The following ZNF736 variants were observed in gnomAD, a reference collection of about 807,000 sequenced individuals.
ZNF736 encodes the protein zinc finger protein 736.
A neutral mutation model predicts 11.7 loss-of-function variants in ZNF736; 6 were observed. The observed-to-expected ratio is 0.51, with a 90% CI of 0.28 to 1.01. ZNF736 has a LOEUF of 1.01. Ranked by LOEUF, ZNF736 falls within the 50% of genes least tolerant of loss-of-function variation. ZNF736 has a pLI of 0.09. For synonymous variants in ZNF736, 139 were observed against 164.7 expected, an observed-to-expected ratio of 0.84 and a Z score of 1.19; for missense variants, 444 against 496.0, an observed-to-expected ratio of 0.90 and a Z score of 1.00.
In ZNF736 at chr7:64,349,674, T is replaced by C. The variant is rs1584278458; in HGVS notation, c.*527T>C. ...TATAGTGTCCACAGTTTGTATACTT[T>C]AGTGTGCTTTTGTAGTGACTGGTAA... is the stretch of plus-strand genomic sequence containing the variant. On this transcript the variant is annotated 3_prime_UTR_variant, in exon 4 of 4. Transcript: ENST00000423484. 3 of 153,290 alleles carry C rather than the reference T, an allele frequency of 2.0e-5. No homozygotes were observed. Among genetic ancestry groups the C allele is most frequent in the African/African-American group, 7.2e-5 (3 of 41,578 alleles). The allele number at this position is 153,290 out of a possible 1,614,324, so 9.5% of individuals were successfully genotyped here. A position where few individuals can be genotyped will look rare whatever the true frequency, so the allele number is the denominator to read the frequency against.
At chr7:64,323,278 G>A (rs1789027150) in intron 1 of ZNF736, among the ~76,000 whole-genome samples, 1 of 152,058 alleles carries the variant, frequency 6.6e-6, no homozygotes, top group African/African-American at 2.4e-5. Context: ...AAGAAATTTT[G>A]AAACACAGTC....
chr7:64,330,163 T>C (rs1267388670), intron 1 of ZNF736, among the ~76,000 whole-genome samples: 1 of 151,372 alleles, frequency 6.6e-6, no homozygotes, highest in Non-Finnish European at 1.5e-5. Context: ...GGGTTTTTTT[T>C]GTTTTGTTTT....
At chr7:64,332,741 G>A (rs1584270424) in intron 1 of ZNF736, among the ~76,000 whole-genome samples, 1 of 152,064 alleles carries the variant, frequency 6.6e-6, no homozygotes, top group African/African-American at 2.4e-5. Context: ...CCCCCCAGGA[G>A]TGCATTCCTT....
At chr7:64,336,786 T>C (rs1174713308) in intron 2 of ZNF736, 101 bp from the exon 3 acceptor site, 3 of 921,058 alleles carry the variant, frequency 3.3e-6, no homozygotes, top group African/African-American at 1.7e-5. Context: ...ATTAATTTTC[T>C]AGAGTCTTCT....
Position 64,353,024 on chromosome 7 carries a change from T to TCTGGGAAGC in ZNF736, c.*3882_*3890dup, listed in dbSNP as rs1328566179. On this transcript the variant is annotated 3_prime_UTR_variant, in exon 4 of 4. Coordinates refer to ENST00000423484, the MANE Select transcript of ZNF736 (RefSeq NM_001170905.3). ...CTTTGCTCGAGTTGCAGCTACTTTT[T>TCTGGGAAGC]CTGGGAAGCCTGGAAAGCCAGTATC... 1.0e-4 allele frequency: 16 copies of TCTGGGAAGC among 152,532 alleles called. No individual in the cohort carries two copies. The highest frequency in any genetic ancestry group is 3.8e-4 in the African/African-American group (16 of 41,580). 9.4% of individuals were successfully genotyped at this position (152,532 alleles called of 1,614,324 possible).
rs182931923 is a variant in ZNF736, at chr7:64,336,114, G to C, written c.4-145G>C. 3.3e-6 allele frequency: 3 copies of C among 910,612 alleles called. No individual in the cohort carries two copies. The African/African-American group carries it at 5.1e-5, about 15-fold the overall frequency. 56.4% of individuals were successfully genotyped at this position (910,612 alleles called of 1,614,324 possible). ...TTCTCAGAGTTAAAAATACACTAGA[G>C]AATATTTCTGTGCTAGAAAGTATCC... On this transcript the variant is annotated intron_variant, in intron 1 of 3. Transcript: ENST00000423484.
intron 1 of ZNF736, among the ~76,000 whole-genome samples, chr7:64,315,874 AT>A: frequency 6.6e-6 from 1 of 152,262 alleles, no homozygotes; most frequent in South Asian, 2.1e-4. Flanking sequence ...CGGATGTGGC[AT>A]TTTGTTTATT....
rs1477608385 is a variant in ZNF736, at chr7:64,355,279, CTT to C, written c.*6135_*6136del. On this transcript the variant is annotated 3_prime_UTR_variant, in exon 4 of 4. Coordinates refer to ENST00000423484, the MANE Select transcript of ZNF736 (RefSeq NM_001170905.3). ...ATCGAAACCTAAAATGCCCTGAACT[CTT>C]TTCATATAGATTAATAAAATATGGT... 2 of 167,456 alleles carry C rather than the reference CTT, an allele frequency of 1.2e-5. No homozygotes were observed. The highest frequency in any genetic ancestry group is 4.8e-5 in the African/African-American group (2 of 41,470). 10.4% of individuals were successfully genotyped at this position (167,456 alleles called of 1,614,324 possible).
chr7:64,346,947 G>A (rs1376974441), intron 3 of ZNF736, among the ~76,000 whole-genome samples: 1 of 150,570 alleles, frequency 6.6e-6, no homozygotes, highest in African/African-American at 2.4e-5. Context: ...AATTCAAATT[G>A]TCTCACATAA....
chr7:64,347,632 C>G (rs549249847), intron 3 of ZNF736, among the ~76,000 whole-genome samples: 1 of 152,170 alleles, frequency 6.6e-6, no homozygotes, highest in East Asian at 1.9e-4. Context: ...CCTTTGGTCT[C>G]AGCTGTCCGA....
intron 3 of ZNF736, among the ~76,000 whole-genome samples, chr7:64,342,493 A>G (rs974790203): frequency 2.0e-5 from 3 of 152,190 alleles, no homozygotes; most frequent in African/African-American, 7.2e-5. Flanking sequence ...CAGAATTCCT[A>G]AAAACACTAA....
intron 1 of ZNF736, among the ~76,000 whole-genome samples, chr7:64,331,284 C>T (rs182514844): frequency 1.1e-3 from 170 of 152,310 alleles, no homozygotes; most frequent in Non-Finnish European, 1.9e-3. Flanking sequence ...AGTGCTCCCT[C>T]TGTAGGCTCT....
chr7:64,321,097 A>T (rs1788996083), intron 1 of ZNF736, among the ~76,000 whole-genome samples: 2 of 152,210 alleles, frequency 1.3e-5, no homozygotes, highest in African/African-American at 4.8e-5. Context: ...TGTGCTGTGT[A>T]TGAGCATCAC....
At position 64,348,373 on chromosome 7, in the gene ZNF736, G is replaced by A; in HGVS notation, c.510G>A (p.Glu170=). 6.4e-7 allele frequency: 1 copy of A among 1,551,244 alleles called. No individual in the cohort carries two copies. Among genetic ancestry groups the A allele is most frequent in the Non-Finnish European group, 8.7e-7 (1 of 1,146,850 alleles). ...FTEHKDIFSR[E]KCHKCEECGK... ...AACATAAAGACATTTTTAGCAGAGA[G>A]AAATGCCACAAATGTGAAGAATGTG... Residue 170 remains glutamate, a synonymous_variant, in exon 4 of 4, where the codon GAG becomes GAA. Transcript: ENST00000423484.
At chr7:64,319,333 G>GTGTGTGTATATATA (rs1175526690) in intron 1 of ZNF736, among the ~76,000 whole-genome samples, 2 of 71,650 alleles carry the variant, frequency 2.8e-5, no homozygotes, top group African/African-American at 4.4e-5. Context: ...GTGTGTATGT[G>GTGTGTGTATATATA]TATATATATA....
At chr7:64,339,729 G>T (rs1435395997) in intron 3 of ZNF736, among the ~76,000 whole-genome samples, 2 of 139,258 alleles carry the variant, frequency 1.4e-5, no homozygotes, top group African/African-American at 4.9e-5. Context: ...AATGCCCCTA[G>T]CTTTGTTTTT....
chr7:64,336,935 A>G lies in ZNF736; in HGVS notation c.179A>G (p.Lys60Arg). 2 of 1,605,264 alleles carry G rather than the reference A, an allele frequency of 1.2e-6. No individual in the cohort carries two copies. The highest frequency in any genetic ancestry group is 1.7e-6 in the Non-Finnish European group (2 of 1,175,600). ...PDLMTCLEQRKEPWKVKRQEA... is the reference protein window; with the variant it reads ...PDLMTCLEQRREPWKVKRQEA... ...TTGATGACCTGTCTGGAGCAAAGAA[A>G]AGAGCCTTGGAAAGTGAAGAGACAG... The change falls in exon 3 of 4, where the codon AAA (lysine) becomes AGA (arginine). Residue 60 changes from lysine to arginine, a missense_variant. Lys to Arg is a conservative substitution (Grantham distance 26). Transcript: ENST00000423484.
intron 3 of ZNF736, chr7:64,337,205 G>T: frequency 3.8e-6 from 2 of 524,356 alleles, no homozygotes; most frequent in Non-Finnish European, 3.4e-6. Context: ...TGTGTGTGTT[G>T]TGTGTGTGTT....
chr7:64,341,927 C>G (rs1188582730), intron 3 of ZNF736, among the ~76,000 whole-genome samples: 3 of 152,104 alleles, frequency 2.0e-5, no homozygotes, highest in Non-Finnish European at 4.4e-5. Flanking sequence ...AAGGAGAAAA[C>G]AAGAGTTTAA....
Sources: allele counts gnomAD v4.1 joint callset (sites outside exome capture counted in the v4.1 genomes callset), GRCh38; gene constraint gnomAD v4.1.1; transcripts MANE v1.5; gene names NCBI Gene and HGNC (gene_info 2026-07-23, HGNC 2026-07-21).